EGF: variants seen among roughly 807,000 people sequenced by gnomAD.
EGF encodes epidermal growth factor, also known as pro-epidermal growth factor.
In EGF, 95 loss-of-function variants were observed where a neutral mutation model predicts 143.8. That is an observed-to-expected ratio of 0.66 (90% CI 0.56 to 0.78). EGF has a LOEUF of 0.78. EGF is among the 30% of genes least tolerant of loss of function. The pLI, the probability that EGF is intolerant of heterozygous loss-of-function variation, is 0.00. For synonymous variants in EGF, 510 were observed against 510.5 expected (o/e 1.00, Z 0.01); for missense variants, 1,320 against 1,470.9 (o/e 0.90, Z 1.68).
At chr4:109,925,107 G>A (rs1423277005) in intron 1 of EGF, among the ~76,000 whole-genome samples, 1 of 152,146 alleles carries the variant, frequency 6.6e-6, no homozygotes, top group Admixed American at 6.5e-5. Context: ...CCTCTCTTGA[G>A]GTTTCTTACA....
intron 1 of EGF, among the ~76,000 whole-genome samples, chr4:109,931,345 C>T (rs1486716590): frequency 2.6e-5 from 4 of 152,064 alleles, no homozygotes; most frequent in African/African-American, 7.2e-5. Flanking sequence ...CTCTGGTTTA[C>T]ATAAAATGAT....
Position 110,011,429 on chromosome 4 carries a change from C to T in EGF, c.3598C>T (p.Pro1200Ser). The T allele has an allele frequency of 6.2e-7, 1 of 1,614,156 alleles. No individual in the cohort carries two copies. The highest frequency in any genetic ancestry group is 8.5e-7 in the Non-Finnish European group (1 of 1,180,002). Residue 1200 changes from proline (P) to serine (S), a missense_variant, in exon 24 of 24, where the codon CCA becomes TCA. By Grantham distance (74) the Pro-to-Ser change is moderately conservative (BLOSUM62 -1). This residue lies in a region of EGF where 1,186 missense variants were observed against 1,313.7 expected (regional missense o/e 0.90). Coordinates refer to ENST00000265171, the MANE Select transcript of EGF (RefSeq NM_001963.6). ...PLWQQRALDP[P>S]HQMELTQ ...ATGGCAACAAAGGGCCCTGGACCCA[C>T]CACACCAAATGGAGCTGACTCAGTG...
At chr4:109,975,456 T>C (rs1220121279) in intron 12 of EGF, among the ~76,000 whole-genome samples, 1 of 152,210 alleles carries the variant, frequency 6.6e-6, no homozygotes, top group Non-Finnish European at 1.5e-5. Context: ...CATTTCTAAA[T>C]AGGCCAATAA....
chr4:109,920,333 G>T (rs1238095354), intron 1 of EGF, among the ~76,000 whole-genome samples: 1 of 151,614 alleles, frequency 6.6e-6, no homozygotes, highest in African/African-American at 2.4e-5. Flanking sequence ...AACAATTAAA[G>T]ACTCAATAAC....
intron 1 of EGF, among the ~76,000 whole-genome samples, chr4:109,924,125 G>A (rs1738250476): frequency 1.3e-5 from 2 of 151,582 alleles, no homozygotes; most frequent in Non-Finnish European, 2.9e-5. Context: ...GTCAGATTAC[G>A]AAGGACCTTC....
intron 18 of EGF, among the ~76,000 whole-genome samples, chr4:109,989,937 C>T (rs1226721905): frequency 3.9e-5 from 6 of 152,076 alleles, no homozygotes; most frequent in East Asian, 1.9e-4. Context: ...TCTCTCTCCC[C>T]GCCCCATATA....
At position 109,999,721 on chromosome 4, in the gene EGF, C is replaced by A. The variant is rs564898318; in HGVS notation, c.3048C>A (p.Asp1016Glu). ...TCGGGGAGCGATGTCAGTACCGAGA[C>A]CTGAAGTGGTGGGAACTGCGCCACG... ...GYIGERCQYR[D>E]LKWWELRHAG... Residue 1016 changes from aspartate (D) to glutamate (E), a missense_variant, in exon 21 of 24, where the codon GAC becomes GAA. By Grantham distance (45) the Asp-to-Glu change is conservative (BLOSUM62 2). Coordinates refer to ENST00000265171, the MANE Select transcript of EGF (RefSeq NM_001963.6). 1.1e-4 allele frequency: 170 copies of A among 1,614,074 alleles called. No homozygotes were observed. In the South Asian group the frequency reaches 1.7e-3, roughly 16 times the overall value.
At chr4:109,987,613 C>A in intron 16 of EGF, 131 bp from the exon 17 acceptor site, 1 of 790,670 alleles carries the variant, frequency 1.3e-6, no homozygotes, top group South Asian at 1.4e-5. Flanking sequence ...CTAAGCGTTT[C>A]TATTTGGAGG....
chr4:110,004,444 C>T, intron 21 of EGF, 61 bp from the exon 22 acceptor site: 8 of 1,432,172 alleles, frequency 5.6e-6, no homozygotes, highest in South Asian at 1.1e-5. Context: ...CTGATCATCA[C>T]TGAGTGGGCT....
At chr4:109,992,197 AAAAGACAG>A (rs1314279653) in intron 18 of EGF, 1 of 146,684 alleles carries the variant, frequency 6.8e-6, no homozygotes, top group African/African-American at 2.6e-5. Context: ...AAAAAAAAAA[AAAAGACAG>A]AGAGAGAAAG....
At chr4:109,968,587 C>A (rs1006774226) in intron 10 of EGF, among the ~76,000 whole-genome samples, 1 of 152,006 alleles carries the variant, frequency 6.6e-6, no homozygotes, top group Non-Finnish European at 1.5e-5. Flanking sequence ...CTATCTATCT[C>A]TCTATCTATC....
intron 12 of EGF, 29 bp from the exon 13 acceptor site, chr4:109,975,982 AT>A (rs1425100633): frequency 8.8e-6 from 14 of 1,584,972 alleles, no homozygotes; most frequent in Non-Finnish European, 1.2e-5. Context: ...TCATGCAGAT[AT>A]TATTTGTTGT....
intron 13 of EGF, among the ~76,000 whole-genome samples, chr4:109,977,054 C>T (rs1187193696): frequency 1.3e-5 from 2 of 152,086 alleles, no homozygotes; most frequent in African/African-American, 2.4e-5. Flanking sequence ...CAGGCAACAA[C>T]TGGTGATGGT....
chr4:109,916,295 T>C (rs568668577), intron 1 of EGF, among the ~76,000 whole-genome samples: 10 of 152,290 alleles, frequency 6.6e-5, no homozygotes, highest in African/African-American at 2.4e-4. Flanking sequence ...GTTATGCGAT[T>C]TTTTTTCTTT....
chr4:109,948,067 G>A (rs1366572850), intron 5 of EGF, among the ~76,000 whole-genome samples: 1 of 152,178 alleles, frequency 6.6e-6, no homozygotes, highest in Non-Finnish European at 1.5e-5. Context: ...AGTTCAAATA[G>A]GATAACTGAA....
intron 1 of EGF, among the ~76,000 whole-genome samples, chr4:109,925,122 G>A (rs1579460164): frequency 6.6e-6 from 1 of 152,100 alleles, no homozygotes; most frequent in Admixed American, 6.5e-5. Flanking sequence ...CTTACATTAC[G>A]GCAAAAGAGG....
chr4:109,974,902 C>G, intron 12 of EGF, 95 bp downstream of exon 12: 2 of 888,488 alleles, frequency 2.3e-6, no homozygotes, highest in South Asian at 1.4e-5. Context: ...CCAAGAAAAT[C>G]CATGCAATTT....
In EGF at chr4:109,963,280, A is replaced by G. The variant is rs964205080; in HGVS notation, c.1420A>G (p.Lys474Glu). The change falls in exon 9 of 24, where the codon AAA becomes GAA. Residue 474 changes from lysine to glutamate, a missense_variant. Transcript: ENST00000265171. ...FPGYDLQLDEKSCAASGPQPF... is the reference protein window; with the variant it reads ...FPGYDLQLDEESCAASGPQPF... The stretch of plus-strand genomic sequence containing the variant: ...TGGGTATGACCTACAACTGGATGAA[A>G]AAAGCTGTGCAGCTTCAGGTTAGTG... 2 of 1,614,028 alleles carry G rather than the reference A, an allele frequency of 1.2e-6. No individual in the cohort carries two copies. The highest frequency in any genetic ancestry group is 1.7e-6 in the Non-Finnish European group (2 of 1,179,942).
intron 20 of EGF, among the ~76,000 whole-genome samples, chr4:109,999,416 C>CAA (rs1210811991): frequency 4.6e-5 from 7 of 152,166 alleles, no homozygotes; most frequent in Non-Finnish European, 1.0e-4. Flanking sequence ...GATCTTTAAT[C>CAA]AATGTCCTGT....
Sources: allele counts gnomAD v4.1 joint callset (sites outside exome capture counted in the v4.1 genomes callset), GRCh38; gene constraint gnomAD v4.1.1; regional missense constraint gnomAD v4.1.1; transcripts MANE v1.5; gene names NCBI Gene and HGNC (gene_info 2026-07-23, HGNC 2026-07-21).